LUZP2: variants seen among roughly 807,000 people sequenced by gnomAD.
LUZP2 encodes the protein leucine zipper protein 2.
LUZP2 carries 52 observed loss-of-function variants against 51.6 expected under a neutral mutation model. The observed-to-expected ratio is 1.01, with a 90% CI of 0.81 to 1.27. LUZP2 has a LOEUF of 1.27. Ranked by LOEUF, LUZP2 falls within the 50% of genes most tolerant of loss-of-function variation. LUZP2 has a pLI of 0.00. For missense variants in LUZP2, 436 were observed against 395.4 expected, an observed-to-expected ratio of 1.10 and a Z score of -0.87; for synonymous variants, 154 against 137.3, an observed-to-expected ratio of 1.12 and a Z score of -0.85.
chr11:24,858,280 C>A (rs1851630210), intron 5 of LUZP2, among the ~76,000 whole-genome samples: 1 of 152,112 alleles, frequency 6.6e-6, no homozygotes, highest in Non-Finnish European at 1.5e-5. Context: ...GTTCTCATTA[C>A]AGAATGGAAA....
At chr11:24,885,320 A>C (rs975339496) in intron 5 of LUZP2, among the ~76,000 whole-genome samples, 2 of 152,116 alleles carry the variant, frequency 1.3e-5, no homozygotes, top group Non-Finnish European at 2.9e-5. Context: ...AAATGTATCG[A>C]GTGCTTACAT....
At chr11:24,544,970 A>G in intron 1 of LUZP2, among the ~76,000 whole-genome samples, 1 of 152,080 alleles carries the variant, frequency 6.6e-6, no homozygotes, top group East Asian at 1.9e-4. Context: ...ACTTTTTAAT[A>G]GTAGTCATTC....
chr11:24,514,847 G>A (rs192967313), intron 1 of LUZP2, among the ~76,000 whole-genome samples: 56 of 152,224 alleles, frequency 3.7e-4, no homozygotes, highest in African/African-American at 1.1e-3. Context: ...AAAGCGGCCT[G>A]GCTCAAGGAA....
At chr11:24,769,369 A>G (rs1291610136) in intron 5 of LUZP2, among the ~76,000 whole-genome samples, 1 of 152,196 alleles carries the variant, frequency 6.6e-6, no homozygotes, top group Non-Finnish European at 1.5e-5. Context: ...ATTTCAAAAT[A>G]GTTAGAAAAG....
intron 10 of LUZP2, among the ~76,000 whole-genome samples, chr11:25,076,250 G>T (rs1859295333): frequency 6.6e-6 from 1 of 151,974 alleles, no homozygotes; most frequent in African/African-American, 2.4e-5. Context: ...TCACCATGTT[G>T]CCCAGGCTGG....
At chr11:24,547,610 T>C (rs367809191) in intron 1 of LUZP2, among the ~76,000 whole-genome samples, 35 of 152,052 alleles carry the variant, frequency 2.3e-4, no homozygotes, top group African/African-American at 7.9e-4. Context: ...AACCTAAAAC[T>C]AATAAAAACC....
chr11:24,625,752 A>T (rs1479505789), intron 1 of LUZP2, among the ~76,000 whole-genome samples: 1 of 152,112 alleles, frequency 6.6e-6, no homozygotes. Flanking sequence ...CCAGAATCAC[A>T]GCCTTCAATT....
chr11:24,765,219 G>A (rs572089941), intron 5 of LUZP2, among the ~76,000 whole-genome samples: 1 of 152,142 alleles, frequency 6.6e-6, no homozygotes, highest in Admixed American at 6.5e-5. Flanking sequence ...AATAACTGGT[G>A]TATACACTGT....
At chr11:24,711,213 G>T (rs1318885962) in intron 1 of LUZP2, among the ~76,000 whole-genome samples, 1 of 152,090 alleles carries the variant, frequency 6.6e-6, no homozygotes, top group Non-Finnish European at 1.5e-5. Context: ...ACTTTGGGAG[G>T]CCAAGGCGGG....
At chr11:24,633,956 G>GTATATATATA (rs1448184219) in intron 1 of LUZP2, among the ~76,000 whole-genome samples, 254 of 114,664 alleles carry the variant, frequency 2.2e-3, no homozygotes, top group Non-Finnish European at 3.1e-3. Flanking sequence ...GTGTGTGTGT[G>GTATATATATA]TGTGTGTGTA....
intron 5 of LUZP2, among the ~76,000 whole-genome samples, chr11:24,790,011 CAA>C (rs1371844596): frequency 1.2e-4 from 19 of 152,210 alleles, no homozygotes; most frequent in Non-Finnish European, 2.2e-4. Context: ...GCTCTTATCT[CAA>C]GTTAGTCTTT....
In LUZP2 at chr11:24,539,309, C is replaced by T. The variant is rs575618743; in HGVS notation, c.62+42004C>T. ...AGCTTTAATGGTGCTAATAAGTCCT[C>T]GTTGCCACAGATAATTTGAATATAT... is the stretch of plus-strand genomic sequence containing the variant. On this transcript the variant is annotated intron_variant, in intron 1 of 11. Coordinates refer to ENST00000336930, the MANE Select transcript of LUZP2 (RefSeq NM_001009909.4). 6.6e-5 allele frequency among the ~76,000 whole-genome samples: 10 copies of T among 151,848 alleles called. No homozygotes were observed. The South Asian group carries it at 8.3e-4, about 13-fold the overall frequency.
intron 1 of LUZP2, among the ~76,000 whole-genome samples, chr11:24,620,289 C>A (rs1257706619): frequency 6.6e-6 from 1 of 152,064 alleles, no homozygotes; most frequent in African/African-American, 2.4e-5. Context: ...TTTAACTCAA[C>A]AAATGAAAGA....
chr11:24,798,624 T>C (rs1849611699), intron 5 of LUZP2, among the ~76,000 whole-genome samples: 1 of 152,168 alleles, frequency 6.6e-6, no homozygotes, highest in Admixed American at 6.5e-5. Context: ...TCTAGAGATA[T>C]CAGATGGAGA....
At chr11:25,071,724 C>T (rs1038146202) in intron 10 of LUZP2, among the ~76,000 whole-genome samples, 1 of 151,202 alleles carries the variant, frequency 6.6e-6, no homozygotes, top group Non-Finnish European at 1.5e-5. Flanking sequence ...ATGTAAATGA[C>T]GAGTTAACGG....
intron 5 of LUZP2, among the ~76,000 whole-genome samples, chr11:24,868,845 A>C (rs1042934031): frequency 2.0e-5 from 3 of 152,166 alleles, no homozygotes; most frequent in Non-Finnish European, 4.4e-5. Context: ...CATAATCCAT[A>C]TCAAAGACAA....
At chr11:24,689,116 G>A (rs1208168835) in intron 1 of LUZP2, among the ~76,000 whole-genome samples, 3 of 152,124 alleles carry the variant, frequency 2.0e-5, no homozygotes, top group Non-Finnish European at 4.4e-5. Context: ...AGAAATGAAA[G>A]GAAGTAAAGT....
chr11:24,797,070 A>G (rs1231196445), intron 5 of LUZP2, among the ~76,000 whole-genome samples: 4 of 152,150 alleles, frequency 2.6e-5, no homozygotes, highest in African/African-American at 9.7e-5. Flanking sequence ...GCCAGCCTCA[A>G]TCCTGCATGA....
chr11:24,645,061 C>T (rs870383), intron 1 of LUZP2, among the ~76,000 whole-genome samples: 29,359 of 152,122 alleles, frequency 0.19, 3,258 homozygotes, highest in Admixed American at 0.3. Flanking sequence ...GTTTATTTTA[C>T]ATTCCAATCC....
Sources: allele counts gnomAD v4.1 joint callset (sites outside exome capture counted in the v4.1 genomes callset), GRCh38; gene constraint gnomAD v4.1.1; transcripts MANE v1.5; gene names NCBI Gene and HGNC (gene_info 2026-07-23, HGNC 2026-07-21).